MAST4: variants seen among roughly 807,000 people sequenced by gnomAD.
MAST4 encodes the protein microtubule-associated serine/threonine-protein kinase 4.
In MAST4, 89 loss-of-function variants were observed where a neutral mutation model predicts 162.7. That is an observed-to-expected ratio of 0.55 (90% CI 0.46 to 0.65). The LOEUF is 0.65. Ranked by LOEUF, MAST4 falls within the 30% of genes least tolerant of loss-of-function variation. The pLI, the probability that MAST4 is intolerant of heterozygous loss-of-function variation, is 0.00. For synonymous variants in MAST4, 1,479 were observed against 1,361.1 expected (o/e 1.09, Z -1.91); for missense variants, 3,153 against 3,374.0 (o/e 0.93, Z 1.62).
chr5:67,073,145 A>C (rs1292790790), intron 5 of MAST4, among the ~76,000 whole-genome samples: 1 of 152,170 alleles, frequency 6.6e-6, no homozygotes, highest in Non-Finnish European at 1.5e-5. Flanking sequence ...GAGAGTGAGC[A>C]TTGGAGGCCA....
intron 1 of MAST4, among the ~76,000 whole-genome samples, chr5:66,713,403 A>G (rs1378499989): frequency 1.3e-5 from 2 of 152,212 alleles, no homozygotes; most frequent in African/African-American, 4.8e-5. Flanking sequence ...TTTAGTTTTG[A>G]GGTTAAAATA....
intron 5 of MAST4, among the ~76,000 whole-genome samples, chr5:67,085,809 A>G (rs1189061823): frequency 6.6e-6 from 1 of 152,178 alleles, no homozygotes; most frequent in Non-Finnish European, 1.5e-5. Context: ...GTCTAAATGA[A>G]AGGGAGATTC....
intron 4 of MAST4, among the ~76,000 whole-genome samples, chr5:67,035,117 T>C (rs1755853724): frequency 6.6e-6 from 1 of 152,186 alleles, no homozygotes; most frequent in Non-Finnish European, 1.5e-5. Flanking sequence ...GGCTTTGCTA[T>C]TTCTGAAGTT....
intron 1 of MAST4, among the ~76,000 whole-genome samples, chr5:66,674,286 ACTTT>A (rs1024350708): frequency 2.6e-5 from 4 of 152,176 alleles, no homozygotes; most frequent in African/African-American, 9.7e-5. Context: ...TGAGAGAGTA[ACTTT>A]CTTTTAAATA....
rs1414976262 is a variant in MAST4, at chr5:67,164,435, C to T, written c.5256C>T (p.Ala1752=). The T allele has an allele frequency of 5.0e-6, 8 of 1,614,032 alleles. No individual in the cohort carries two copies. Among genetic ancestry groups the T allele is most frequent in the Middle Eastern group, 1.6e-4 (1 of 6,062 alleles). ...GCACCCATGCAGCTCAGATGAGTGC[C>T]GTCTCTTTTGTTCCCCTCAAGGCCT... ...VSSTHAAQMS[A]VSFVPLKALT... is the part of the protein sequence containing the mutation. The change falls in exon 29 of 29, where the codon GCC becomes GCT. Residue 1752 remains alanine (A), a synonymous_variant. Transcript: ENST00000403625. The surrounding 1 kb of genome is among the most constrained non-coding windows in gnomAD (Gnocchi z 5.3).
intron 4 of MAST4, among the ~76,000 whole-genome samples, chr5:66,972,661 T>A (rs77132183): frequency 1.9e-3 from 294 of 152,286 alleles, no homozygotes; most frequent in African/African-American, 6.8e-3. Flanking sequence ...CATTTATCCC[T>A]AGATTTGTGT....
chr5:66,903,110 T>C (rs1258180766), intron 4 of MAST4, among the ~76,000 whole-genome samples: 1 of 151,974 alleles, frequency 6.6e-6, no homozygotes, highest in African/African-American at 2.4e-5. Flanking sequence ...TGCAAAACAA[T>C]ATGTTGTTTC....
At chr5:67,081,896 G>A (rs1762696341) in intron 5 of MAST4, among the ~76,000 whole-genome samples, 1 of 152,104 alleles carries the variant, frequency 6.6e-6, no homozygotes. Context: ...AAGTGCCTGG[G>A]ATTAATCACA....
At chr5:66,670,230 C>G (rs893132770) in intron 1 of MAST4, among the ~76,000 whole-genome samples, 1 of 152,040 alleles carries the variant, frequency 6.6e-6, no homozygotes, top group East Asian at 1.9e-4. Context: ...ATAAATGGCT[C>G]TTGGAGTTAC....
At chr5:66,666,731 G>C (rs115342453) in intron 1 of MAST4, among the ~76,000 whole-genome samples, 108 of 152,294 alleles carry the variant, frequency 7.1e-4, no homozygotes, top group African/African-American at 2.5e-3. Context: ...ATGCAGCTGT[G>C]ACTTTATCGT....
chr5:67,094,169 A>G, intron 6 of MAST4: 1 of 1,498,572 alleles, frequency 6.7e-7, no homozygotes, highest in Non-Finnish European at 9.1e-7. Context: ...ATGACAGGTA[A>G]ATTTTACTAA....
intron 1 of MAST4, among the ~76,000 whole-genome samples, chr5:66,663,154 G>T (rs1747016788): frequency 6.6e-6 from 1 of 152,136 alleles, no homozygotes. Flanking sequence ...GGCTTTGCTT[G>T]CTGGGCCCTC....
intron 4 of MAST4, among the ~76,000 whole-genome samples, chr5:67,028,308 T>A (rs1754921368): frequency 6.6e-6 from 1 of 151,550 alleles, no homozygotes; most frequent in South Asian, 2.1e-4. Context: ...GAGACTCGAG[T>A]GAGAGTTGAG....
intron 3 of MAST4, among the ~76,000 whole-genome samples, chr5:66,848,868 C>T (rs886113791): frequency 2.0e-5 from 3 of 152,182 alleles, no homozygotes; most frequent in African/African-American, 7.2e-5. Flanking sequence ...ACACATGGCA[C>T]GAGCAGCTGG....
intron 26 of MAST4, among the ~76,000 whole-genome samples, chr5:67,155,558 G>A (rs1019852888): frequency 2.6e-5 from 4 of 152,138 alleles, no homozygotes; most frequent in Admixed American, 6.5e-5. Flanking sequence ...TGCTTTTTAA[G>A]TATAGCATTA....
chr5:66,801,842 C>A (rs556190655), intron 3 of MAST4, among the ~76,000 whole-genome samples: 1 of 152,272 alleles, frequency 6.6e-6, no homozygotes, highest in East Asian at 1.9e-4. Flanking sequence ...AAACATCATA[C>A]CATCACTTTT....
chr5:66,897,272 C>T (rs954114890), intron 3 of MAST4, among the ~76,000 whole-genome samples: 3 of 152,164 alleles, frequency 2.0e-5, no homozygotes, highest in African/African-American at 7.2e-5. Flanking sequence ...CAGACCAATA[C>T]CACGTCTTAT....
intron 1 of MAST4, among the ~76,000 whole-genome samples, chr5:66,747,130 G>A (rs1461858783): frequency 7.0e-6 from 1 of 143,582 alleles, no homozygotes; most frequent in African/African-American, 2.6e-5. Flanking sequence ...GTGTGTGTGT[G>A]TATGTATGTG....
At chr5:66,795,595 C>A (rs1755609638) in intron 3 of MAST4, among the ~76,000 whole-genome samples, 1 of 152,208 alleles carries the variant, frequency 6.6e-6, no homozygotes, top group Non-Finnish European at 1.5e-5. Flanking sequence ...TAAAATTATT[C>A]TTTTAAATTT....
Sources: allele counts gnomAD v4.1 joint callset (sites outside exome capture counted in the v4.1 genomes callset), GRCh38; gene constraint gnomAD v4.1.1; non-coding constraint Gnocchi (gnomAD v3.1); transcripts MANE v1.5; gene names NCBI Gene and HGNC (gene_info 2026-07-23, HGNC 2026-07-21).